The following POLR1E variants were observed in gnomAD, a reference collection of about 807,000 sequenced individuals.
POLR1E encodes the protein RNA polymerase I subunit E.
POLR1E carries 37 observed loss-of-function variants against 50.9 expected under a neutral mutation model. The ratio of observed to expected loss-of-function variants is 0.73; its 90% CI spans 0.56 to 0.96. The LOEUF (loss-of-function observed/expected upper bound fraction) is 0.96. Among genes scored for constraint, POLR1E ranks in the 40% least tolerant of loss-of-function variants. The pLI is 0.00. For synonymous variants in POLR1E, 166 were observed against 191.6 expected, an observed-to-expected ratio of 0.87 and a Z score of 1.10; for missense variants, 426 against 518.1, an observed-to-expected ratio of 0.82 and a Z score of 1.73.
rs774591817 is a variant in POLR1E at position 37,492,655 on chromosome 9, A to G, written c.344-2A>G. ...TCTCTCTGTTTTTGTGTGTTTTGAT[A>G]GATGTATCAGTTGAGAGTGAACTGG... On this transcript the variant is annotated splice_acceptor_variant, in intron 4 of 11. Coordinates refer to ENST00000377798, the MANE Select transcript of POLR1E (RefSeq NM_022490.4). LOFTEE classifies it high-confidence loss of function. The G allele has an allele frequency of 6.2e-7, 1 of 1,613,822 alleles. No individual in the cohort carries two copies. Among genetic ancestry groups the G allele is most frequent in the African/African-American group, 1.3e-5 (1 of 75,040 alleles).
intron 8 of POLR1E, among the ~76,000 whole-genome samples, chr9:37,497,277 C>T (rs1820801292): frequency 2.0e-5 from 3 of 152,234 alleles, no homozygotes; most frequent in South Asian, 2.1e-4. Context: ...ATCGCTTGAA[C>T]CCAGGAAGCG....
At chr9:37,502,248 T>G (rs1820904642) in intron 11 of POLR1E, among the ~76,000 whole-genome samples, 1 of 152,226 alleles carries the variant, frequency 6.6e-6, no homozygotes. Context: ...GGATTCTGTA[T>G]GGTTCTGAGG....
chr9:37,490,522 G>T, intron 4 of POLR1E: 1 of 772,716 alleles, frequency 1.3e-6, no homozygotes, highest in Non-Finnish European at 2.4e-6. Context: ...TGGCGCTTCA[G>T]TTGAACCCAG....
intron 3 of POLR1E, among the ~76,000 whole-genome samples, chr9:37,488,618 A>G (rs1478731691): frequency 6.6e-6 from 1 of 152,222 alleles, no homozygotes; most frequent in East Asian, 1.9e-4. Flanking sequence ...CCCTAGTTCC[A>G]ATTGGTCTCC....
chr9:37,489,765 C>G (rs758822821), intron 4 of POLR1E, among the ~76,000 whole-genome samples: 1 of 151,988 alleles, frequency 6.6e-6, no homozygotes, highest in Non-Finnish European at 1.5e-5. Context: ...ATAGAGACAG[C>G]GTTTTACCAT....
chr9:37,492,622 C>A, intron 4 of POLR1E, 35 bp from the exon 5 acceptor site: 4 of 1,604,302 alleles, frequency 2.5e-6, no homozygotes, highest in Non-Finnish European at 3.4e-6. Flanking sequence ...TCCCAATTGA[C>A]TTTTCTTTCT....
intron 8 of POLR1E, 134 bp from the exon 9 acceptor site, chr9:37,497,957 T>C: frequency 2.9e-6 from 3 of 1,034,554 alleles, no homozygotes; most frequent in South Asian, 1.7e-5. Context: ...TCTTGCCTTG[T>C]TGCCCAGGGT....
chr9:37,496,981 A>G (rs1820797484), intron 8 of POLR1E, among the ~76,000 whole-genome samples: 2 of 152,196 alleles, frequency 1.3e-5, no homozygotes, highest in African/African-American at 4.8e-5. Flanking sequence ...CTCTTAATCC[A>G]GAAAAAATGC....
At chr9:37,489,518 T>G in intron 4 of POLR1E, 118 bp downstream of exon 4, 1 of 696,362 alleles carries the variant, frequency 1.4e-6, no homozygotes, top group East Asian at 3.1e-5. Context: ...TTATTTATTC[T>G]GTTTTTTCTG....
intron 8 of POLR1E, 62 bp downstream of exon 8, chr9:37,496,048 A>G: frequency 7.9e-7 from 1 of 1,259,502 alleles, no homozygotes; most frequent in South Asian, 1.2e-5. Context: ...CAGTAGTCAG[A>G]CACTGTGCAG....
At chr9:37,493,025 G>A (rs1479574441) in intron 5 of POLR1E, among the ~76,000 whole-genome samples, 3 of 152,172 alleles carry the variant, frequency 2.0e-5, no homozygotes, top group Non-Finnish European at 2.9e-5. Context: ...GAATATATTG[G>A]TTGTAGCCTG....
At chr9:37,499,914 G>A (rs560862272) in intron 9 of POLR1E, among the ~76,000 whole-genome samples, 85 of 149,172 alleles carry the variant, frequency 5.7e-4, no homozygotes, top group African/African-American at 1.5e-3. Flanking sequence ...GCAGTGGCTC[G>A]ATCTCGGCTC....
At chr9:37,496,286 T>C (rs1368761947) in intron 8 of POLR1E, among the ~76,000 whole-genome samples, 1 of 152,098 alleles carries the variant, frequency 6.6e-6, no homozygotes, top group African/African-American at 2.4e-5. Context: ...CTGGTGCTGA[T>C]TGTCACTGGC....
At chr9:37,490,922 C>G (rs530389930) in intron 4 of POLR1E, 120 of 472,676 alleles carry the variant, frequency 2.5e-4, no homozygotes, top group African/African-American at 2.2e-3. Context: ...GATGGCAGTT[C>G]TGGCCGAAAG....
intron 8 of POLR1E, among the ~76,000 whole-genome samples, 168 bp from the exon 9 acceptor site, chr9:37,497,923 G>A (rs952668317): frequency 7.2e-5 from 11 of 152,048 alleles, no homozygotes; most frequent in Non-Finnish European, 1.3e-4. Context: ...CCACCATGCC[G>A]GCTACGTTTT....
At chr9:37,487,970 G>A (rs777295702) in intron 3 of POLR1E, 31 bp downstream of exon 3, 2 of 1,609,182 alleles carry the variant, frequency 1.2e-6, no homozygotes, top group Middle Eastern at 1.7e-4. Context: ...AGTGGGAAGG[G>A]TGATGGGGTT....
intron 11 of POLR1E, 114 bp from the exon 12 acceptor site, chr9:37,502,929 T>C (rs1820915393): frequency 2.6e-6 from 3 of 1,172,584 alleles, no homozygotes; most frequent in South Asian, 1.8e-5. Flanking sequence ...CTGGCAACCT[T>C]TGGGATTCTG....
chr9:37,489,567 CTGTTTTT>C (rs1289661801), intron 4 of POLR1E, among the ~76,000 whole-genome samples, 167 bp downstream of exon 4: 5 of 151,908 alleles, frequency 3.3e-5, no homozygotes, highest in Admixed American at 6.6e-5. Context: ...TATATACACA[CTGTTTTT>C]TGTTTTTTGT....
At chr9:37,491,625 G>A (rs1307536035) in intron 4 of POLR1E, among the ~76,000 whole-genome samples, 1 of 151,908 alleles carries the variant, frequency 6.6e-6, no homozygotes, top group African/African-American at 2.4e-5. Flanking sequence ...TACCACACTC[G>A]GCTAATTTTT....
Sources: allele counts gnomAD v4.1 joint callset (sites outside exome capture counted in the v4.1 genomes callset), GRCh38; gene constraint gnomAD v4.1.1; transcripts MANE v1.5; gene names NCBI Gene and HGNC (gene_info 2026-07-23, HGNC 2026-07-21).